Variants in COPG2 observed in about 807,000 individuals in gnomAD.
The protein encoded by COPG2 is coat protein complex I subunit gamma 2.
In COPG2, 37 loss-of-function variants were observed where a neutral mutation model predicts 46.3. That is an observed-to-expected ratio of 0.80 (90% CI 0.61 to 1.05). COPG2 has a LOEUF of 1.05. COPG2 is among the 50% of genes least tolerant of loss of function. COPG2 has a pLI of 0.00. For synonymous variants in COPG2, 159 were observed against 129.7 expected (o/e 1.23, Z -1.53); for missense variants, 427 against 387.8 (o/e 1.10, Z -0.85).
At chr7:130,595,791 C>G (rs952012109) in intron 9 of COPG2, among the ~76,000 whole-genome samples, 1 of 146,804 alleles carries the variant, frequency 6.8e-6, no homozygotes, top group Non-Finnish European at 1.5e-5. Context: ...GAGGTCCCAT[C>G]GGCATTTGGG....
At chr7:130,528,016 A>G (rs1475453351) in intron 20 of COPG2, among the ~76,000 whole-genome samples, 1 of 152,076 alleles carries the variant, frequency 6.6e-6, no homozygotes, top group African/African-American at 2.4e-5. Flanking sequence ...GAAAGGCGCA[A>G]AGGGGAATGG....
At chr7:130,649,376 C>T (rs10954273) in intron 5 of COPG2, among the ~76,000 whole-genome samples, 120,893 of 152,108 alleles carry the variant, frequency 0.79, 48,340 homozygotes, top group Non-Finnish European at 0.85. Context: ...CTCTTCTTGA[C>T]TTATTTCTCT....
rs1584957124 is a variant in COPG2, at chr7:130,508,128, TA to T, written c.2248-306del. On this transcript the variant is annotated intron_variant, in intron 21 of 23. Transcript: ENST00000425248. Reference sequence around the variant, plus strand: ...CTCTGATCATTCACTAAGAGGTTGATATTTTTTAAAAAAAGTTTTCCCTCCA... The same window carrying T: ...CTCTGATCATTCACTAAGAGGTTGATTTTTTTAAAAAAAGTTTTCCCTCCA... 2.5e-5 allele frequency: 7 copies of T among 279,130 alleles called. No individual in the cohort carries two copies. In the East Asian group the frequency reaches 4.9e-4, roughly 20 times the overall value. 17.3% of individuals were successfully genotyped at this position (279,130 alleles called of 1,614,324 possible).
intron 9 of COPG2, among the ~76,000 whole-genome samples, chr7:130,572,698 T>C (rs1170650564): frequency 2.6e-5 from 4 of 151,948 alleles, no homozygotes; most frequent in African/African-American, 4.8e-5. Context: ...TCAAAATGTA[T>C]AGGGCTCAAC....
intron 9 of COPG2, among the ~76,000 whole-genome samples, chr7:130,608,604 T>C (rs782380632): frequency 6.6e-6 from 1 of 152,206 alleles, no homozygotes; most frequent in Non-Finnish European, 1.5e-5. Flanking sequence ...TTCAGTTATT[T>C]GTTTCAACAA....
chr7:130,600,040 CAGTT>C (rs1794605453), intron 9 of COPG2, among the ~76,000 whole-genome samples: 1 of 152,188 alleles, frequency 6.6e-6, no homozygotes, highest in Non-Finnish European at 1.5e-5. Context: ...ACATACAAAT[CAGTT>C]ACAGTCTTAC....
chr7:130,573,962 A>T (rs1469724819), intron 9 of COPG2, among the ~76,000 whole-genome samples: 4 of 152,226 alleles, frequency 2.6e-5, no homozygotes, highest in African/African-American at 9.6e-5. Flanking sequence ...ACATAAACTC[A>T]TCATATGACC....
intron 5 of COPG2, chr7:130,645,203 C>T: frequency 1.5e-6 from 1 of 682,002 alleles, no homozygotes; most frequent in Non-Finnish European, 2.7e-6. Context: ...TACCCCCTTT[C>T]CAGAATGAGC....
At chr7:130,625,672 GTT>G (rs35495315) in intron 5 of COPG2, among the ~76,000 whole-genome samples, 1 of 141,550 alleles carries the variant, frequency 7.1e-6, no homozygotes, top group African/African-American at 2.5e-5. Context: ...TGCTTTCTCC[GTT>G]TTTTTTTTTA....
At chr7:130,530,496 G>A (rs1407844480) in intron 20 of COPG2, among the ~76,000 whole-genome samples, 2 of 152,256 alleles carry the variant, frequency 1.3e-5, no homozygotes, top group Admixed American at 6.5e-5. Flanking sequence ...AGTTCTTGAA[G>A]AGAAGGTGGG....
At chr7:130,555,756 G>A (rs1447140844) in intron 12 of COPG2, among the ~76,000 whole-genome samples, 1 of 152,156 alleles carries the variant, frequency 6.6e-6, no homozygotes, top group Non-Finnish European at 1.5e-5. Flanking sequence ...GTTGAACCTG[G>A]GAGGCGGAGG....
intron 8 of COPG2, among the ~76,000 whole-genome samples, chr7:130,611,532 TTG>T (rs1270080166): frequency 6.6e-6 from 1 of 152,162 alleles, no homozygotes; most frequent in African/African-American, 2.4e-5. Flanking sequence ...TCTTGACACT[TTG>T]TATAAAAACA....
At chr7:130,550,386 G>A (rs1051986245) in intron 17 of COPG2, 138 bp downstream of exon 17, 126 of 272,144 alleles carry the variant, frequency 4.6e-4, no homozygotes, top group African/African-American at 3.2e-3. Context: ...GCTCCAGCCT[G>A]TGCGACGGGA....
chr7:130,610,713 T>C (rs1794831139), intron 9 of COPG2: 1 of 630,694 alleles, frequency 1.6e-6, no homozygotes, highest in African/African-American at 1.8e-5. Flanking sequence ...AATGCATATA[T>C]TTTTTGTTCA....
intron 20 of COPG2, among the ~76,000 whole-genome samples, chr7:130,512,492 T>C (rs1554441161): frequency 6.6e-6 from 1 of 151,730 alleles, no homozygotes; most frequent in African/African-American, 2.4e-5. Flanking sequence ...TCTGTAGAGA[T>C]GGTAAGGCCG....
At chr7:130,577,160 G>A (rs1554446334) in intron 9 of COPG2, among the ~76,000 whole-genome samples, 1 of 152,214 alleles carries the variant, frequency 6.6e-6, no homozygotes, top group African/African-American at 2.4e-5. Flanking sequence ...TGATTGAGAA[G>A]GAGGAGCCAA....
chr7:130,609,617 C>G (rs1326123787), intron 9 of COPG2, among the ~76,000 whole-genome samples: 9 of 152,324 alleles, frequency 5.9e-5, no homozygotes, highest in Admixed American at 4.6e-4. Context: ...TCCTTTCCTT[C>G]TGAGACTCAT....
At position 130,571,783 on chromosome 7, in the gene COPG2, T is replaced by C. The variant is rs562915715; in HGVS notation, c.738-7390A>G. On this transcript the variant is annotated intron_variant, in intron 9 of 23. Transcript: ENST00000425248. ...AGCACAATTCACAATTGCAGAAATATGGAACCAGCCCAAATGCCCATCAAT... is the reference window on the plus strand; with the variant it reads ...AGCACAATTCACAATTGCAGAAATACGGAACCAGCCCAAATGCCCATCAAT... Among the ~76,000 whole-genome samples, 12 of 152,184 alleles carry C rather than the reference T, an allele frequency of 7.9e-5. No individual in the cohort carries two copies. The East Asian group carries it at 1.9e-3, about 24-fold the overall frequency.
chr7:130,645,227 G>A, intron 5 of COPG2: 2 of 702,520 alleles, frequency 2.8e-6, no homozygotes, highest in East Asian at 3.6e-5. Context: ...TCGGCTGTGT[G>A]AGAAAGGCTC....
Sources: allele counts gnomAD v4.1 joint callset (sites outside exome capture counted in the v4.1 genomes callset), GRCh38; gene constraint gnomAD v4.1.1; transcripts MANE v1.5; gene names NCBI Gene and HGNC (gene_info 2026-07-23, HGNC 2026-07-21).